MED12L: variants seen among roughly 807,000 people sequenced by gnomAD.
MED12L encodes the protein mediator of RNA polymerase II transcription subunit 12-like protein.
In MED12L, 60 loss-of-function variants were observed where a neutral mutation model predicts 281.3. That is an observed-to-expected ratio of 0.21 (90% CI 0.17 to 0.26). The LOEUF (loss-of-function observed/expected upper bound fraction) is 0.26. Among genes scored for constraint, MED12L ranks in the 10% least tolerant of loss-of-function variants. The pLI is 1.00. For synonymous variants in MED12L, 974 were observed against 987.2 expected (o/e 0.99, Z 0.25); for missense variants, 2,146 against 2,680.9 (o/e 0.80, Z 4.41).
intron 16 of MED12L, among the ~76,000 whole-genome samples, chr3:151,244,290 C>G (rs1311762312): frequency 3.1e-5 from 4 of 128,734 alleles, no homozygotes. Flanking sequence ...ACAGAACTCT[C>G]CACCCCAAAT....
chr3:151,295,191 C>CTT, intron 16 of MED12L: 1 of 1,608,586 alleles, frequency 6.2e-7, no homozygotes, highest in Non-Finnish European at 8.5e-7. Context: ...TTGTGACTCT[C>CTT]TTGGCCGTGC....
At chr3:151,247,513 C>CA (rs1735840697) in intron 16 of MED12L, among the ~76,000 whole-genome samples, 1 of 148,698 alleles carries the variant, frequency 6.7e-6, no homozygotes, top group African/African-American at 2.5e-5. Flanking sequence ...ATCGCAAGAA[C>CA]AAAAAACCAA....
chr3:151,230,486 C>G (rs578201356), intron 16 of MED12L, among the ~76,000 whole-genome samples: 2 of 151,860 alleles, frequency 1.3e-5, no homozygotes, highest in Non-Finnish European at 2.9e-5. Context: ...ACTCCTTTCT[C>G]GTTATACTAT....
Position 151,369,482 on chromosome 3 carries a change from A to G in MED12L, c.3597A>G (p.Leu1199=). ...GATCATCTTGTGATAGACACCTCTT[A>G]GCCGCTGCTCACAACAGCATTGAAG... ...GIRSSCDRHL[L]AAAHNSIEVG... The change falls in exon 26 of 45, where the codon TTA becomes TTG. Residue 1199 remains leucine, a synonymous_variant. Coordinates refer to ENST00000687756, the MANE Select transcript of MED12L (RefSeq NM_001393769.1). 1.2e-6 allele frequency: 2 copies of G among 1,612,272 alleles called. No homozygotes were observed. The highest frequency in any genetic ancestry group is 2.2e-5 in the South Asian group (2 of 90,858).
intron 16 of MED12L, among the ~76,000 whole-genome samples, chr3:151,244,014 CAAAG>C (rs370751033): frequency 4.6e-5 from 6 of 129,074 alleles, no homozygotes; most frequent in East Asian, 5.0e-4. Context: ...TCAAAAGAGA[CAAAG>C]AAGGCCATTA....
chr3:151,294,158 C>G, intron 16 of MED12L: 2 of 1,468,866 alleles, frequency 1.4e-6, no homozygotes. Context: ...TTCCAACAAA[C>G]AATAAAAGGC....
At chr3:151,133,653 A>G (rs1715725392) in intron 5 of MED12L, among the ~76,000 whole-genome samples, 1 of 152,170 alleles carries the variant, frequency 6.6e-6, no homozygotes. Flanking sequence ...ATGTCATGAA[A>G]TAGTTGATGT....
intron 2 of MED12L, among the ~76,000 whole-genome samples, chr3:151,109,216 C>T (rs7633492): frequency 0.27 from 40,487 of 151,928 alleles, 6,664 homozygotes; most frequent in African/African-American, 0.48. Context: ...CCACCACGCC[C>T]GGCAATTTTT....
intron 5 of MED12L, among the ~76,000 whole-genome samples, chr3:151,136,532 T>A (rs1716162098): frequency 6.6e-6 from 1 of 152,210 alleles, no homozygotes; most frequent in Non-Finnish European, 1.5e-5. Context: ...ACCGGTGAGG[T>A]AACTCTGGCT....
chr3:151,218,976 T>C (rs1728800540), intron 16 of MED12L, among the ~76,000 whole-genome samples: 1 of 151,106 alleles, frequency 6.6e-6, no homozygotes, highest in African/African-American at 2.4e-5. Flanking sequence ...AATCCAGATA[T>C]ATGAGAATGA....
At chr3:151,225,202 A>C (rs1459447674) in intron 16 of MED12L, among the ~76,000 whole-genome samples, 1 of 152,108 alleles carries the variant, frequency 6.6e-6, no homozygotes, top group African/African-American at 2.4e-5. Context: ...CCTCGACTTC[A>C]CAGAAGTTGC....
At chr3:151,393,114 C>T (rs1392527673) in intron 38 of MED12L, among the ~76,000 whole-genome samples, 2 of 152,146 alleles carry the variant, frequency 1.3e-5, no homozygotes, top group Non-Finnish European at 1.5e-5. Flanking sequence ...AGGCAAATCT[C>T]ACTCATTTTA....
chr3:151,328,945 G>A, intron 16 of MED12L: 1 of 1,613,734 alleles, frequency 6.2e-7, no homozygotes, highest in Non-Finnish European at 8.5e-7. Flanking sequence ...GAGTGTCTCT[G>A]GGGCACCGCT....
intron 16 of MED12L, among the ~76,000 whole-genome samples, chr3:151,194,768 TAA>T (rs1214354046): frequency 6.6e-6 from 1 of 152,224 alleles, no homozygotes; most frequent in African/African-American, 2.4e-5. Context: ...AAATTTGAAA[TAA>T]AAAGTTTATT....
At chr3:151,361,385 G>T (rs1577439167) in intron 21 of MED12L, among the ~76,000 whole-genome samples, 1 of 151,878 alleles carries the variant, frequency 6.6e-6, no homozygotes, top group Non-Finnish European at 1.5e-5. Flanking sequence ...GATTGTATTA[G>T]ATTCAGGTTC....
In MED12L at chr3:151,301,960, A is replaced by G. The variant is rs571077170; in HGVS notation, c.2251-48099A>G. Among the ~76,000 whole-genome samples the G allele has an allele frequency of 1.4e-3, 219 of 152,374 alleles. 2 individuals carry two copies. Among genetic ancestry groups the G allele is most frequent in the African/African-American group, 4.6e-3 (192 of 41,586 alleles). ...TGCAATGACTTGTATGCAGTTGTTT[A>G]TAACAGCATTATTCATGATAGTTAA... On this transcript the variant is annotated intron_variant, in intron 16 of 44. Coordinates refer to ENST00000687756, the MANE Select transcript of MED12L (RefSeq NM_001393769.1).
At chr3:151,313,522 T>C (rs919220571) in intron 16 of MED12L, among the ~76,000 whole-genome samples, 2 of 149,436 alleles carry the variant, frequency 1.3e-5, no homozygotes, top group Admixed American at 6.8e-5. Context: ...TAGTAATTTA[T>C]ACCTTAAGGT....
intron 39 of MED12L, among the ~76,000 whole-genome samples, chr3:151,407,076 G>A (rs1716400426): frequency 6.6e-6 from 1 of 152,080 alleles, no homozygotes; most frequent in African/African-American, 2.4e-5. Flanking sequence ...GCTGAGATTA[G>A]AGGCGTGAGC....
chr3:151,413,313 G>A lies in MED12L; in HGVS notation c.6297+18G>A. On this transcript the variant is annotated intron_variant, in intron 42 of 44. Transcript: ENST00000687756. The stretch of plus-strand genomic sequence containing the variant: ...TCCTCCAGGTACGGGGCAGGGAGAT[G>A]AGGGCAATGCCATCACCCTTCAGAC... The A allele has an allele frequency of 6.2e-7, 1 of 1,612,308 alleles. No homozygotes were observed. Among genetic ancestry groups the A allele is most frequent in the Non-Finnish European group, 8.5e-7 (1 of 1,178,778 alleles).
Sources: gnomAD v4.1 joint callset for allele counts (sites outside exome capture counted in the v4.1 genomes callset) on GRCh38, gnomAD v4.1.1 for gene constraint, MANE v1.5 for transcripts, NCBI Gene and HGNC (gene_info 2026-07-23, HGNC 2026-07-21) for gene names.